UCK2: variants seen among roughly 807,000 people sequenced by gnomAD.
UCK2 encodes cytidine monophosphokinase 2.
UCK2 carries 6 observed loss-of-function variants against 30.8 expected under a neutral mutation model. The observed-to-expected ratio is 0.19, with a 90% CI of 0.11 to 0.38. The LOEUF is 0.38. Ranked by LOEUF, UCK2 falls within the 10% of genes least tolerant of loss-of-function variation. The pLI, the probability that UCK2 is intolerant of heterozygous loss-of-function variation, is 1.00. For synonymous variants in UCK2, 125 were observed against 133.6 expected (o/e 0.94, Z 0.45); for missense variants, 210 against 339.8 (o/e 0.62, Z 3.00).
chr1:165,871,765 GAATATAACATGATAA>G (rs1165558258), intron 1 of UCK2, among the ~76,000 whole-genome samples: 1 of 152,130 alleles, frequency 6.6e-6, no homozygotes, highest in Non-Finnish European at 1.5e-5. Context: ...AATTGTTTCT[GAATATAACATGATAA>G]AATCAGTTTA....
At chr1:165,872,725 G>T (rs1350740486) in intron 1 of UCK2, among the ~76,000 whole-genome samples, 1 of 152,218 alleles carries the variant, frequency 6.6e-6, no homozygotes, top group Non-Finnish European at 1.5e-5. Context: ...AGTCTTAAAA[G>T]TATTGACAGT....
In UCK2 at chr1:165,827,787, G is replaced by T; in HGVS notation, c.-47G>T. The T allele has an allele frequency of 7.5e-7, 1 of 1,332,278 alleles. No homozygotes were observed. 82.5% of individuals were successfully genotyped at this position (1,332,278 alleles called of 1,614,324 possible). ...AGTCCGACGCGGGCGCGGGCGGGGA[G>T]CGTGCGTCCGTTCGCACAGGCAGCG... On this transcript the variant is annotated 5_prime_UTR_variant, in exon 1 of 7. Transcript: ENST00000367879.
intron 2 of UCK2, 40 bp downstream of exon 2, chr1:165,890,403 G>T (rs768490943): frequency 6.3e-7 from 1 of 1,590,288 alleles, no homozygotes; most frequent in Non-Finnish European, 8.6e-7. Flanking sequence ...CTGTATTGGT[G>T]TGTTGGGGGG....
intron 3 of UCK2, among the ~76,000 whole-genome samples, chr1:165,893,872 G>A (rs917388839): frequency 1.1e-4 from 17 of 152,132 alleles, no homozygotes; most frequent in Non-Finnish European, 1.9e-4. Context: ...TTCTCCTTCC[G>A]AAGGAAAACC....
chr1:165,893,982 T>G (rs1423731227), intron 3 of UCK2, among the ~76,000 whole-genome samples: 1 of 152,184 alleles, frequency 6.6e-6, no homozygotes, highest in African/African-American at 2.4e-5. Context: ...ACCCAAAATG[T>G]GAAATGCTCC....
At chr1:165,862,588 G>A (rs566440872) in intron 1 of UCK2, among the ~76,000 whole-genome samples, 47 of 152,334 alleles carry the variant, frequency 3.1e-4, no homozygotes, top group African/African-American at 7.2e-4. Flanking sequence ...ATGGCCCGTT[G>A]CAGGCTGAGT....
intron 6 of UCK2, 82 bp from the exon 7 acceptor site, chr1:165,907,602 G>T (rs779582033): frequency 8.9e-5 from 136 of 1,525,250 alleles, no homozygotes; most frequent in Non-Finnish European, 1.1e-4. Flanking sequence ...GTTCCTGCAT[G>T]CCCTTCCCCC....
intron 1 of UCK2, among the ~76,000 whole-genome samples, chr1:165,872,777 G>A (rs73029480): frequency 0.038 from 5,842 of 152,222 alleles, 384 homozygotes; most frequent in African/African-American, 0.13. Flanking sequence ...TGCAGACAGC[G>A]TGTATTAGTG....
At chr1:165,879,377 T>G (rs1359120546) in intron 1 of UCK2, among the ~76,000 whole-genome samples, 10 of 152,178 alleles carry the variant, frequency 6.6e-5, no homozygotes, top group Non-Finnish European at 1.5e-4. Context: ...CAGCACCACT[T>G]CTTGAAAAGG....
At chr1:165,892,075 G>GCATGCAT (rs959924081) in intron 3 of UCK2, 5 of 146,512 alleles carry the variant, frequency 3.4e-5, no homozygotes, top group Non-Finnish European at 7.5e-5. Flanking sequence ...GAGAGAATGA[G>GCATGCAT]CATGCATGTG....
At position 165,891,217 on chromosome 1, in the gene UCK2, A is replaced by G. The variant is rs529995612; in HGVS notation, c.260-9A>G. The G allele has an allele frequency of 3.1e-6, 5 of 1,613,302 alleles. No individual in the cohort carries two copies. In the South Asian group the frequency reaches 3.3e-5, roughly 11 times the overall value. On this transcript the variant is annotated splice_polypyrimidine_tract_variant and intron_variant, in intron 2 of 6. Coordinates refer to ENST00000367879, the MANE Select transcript of UCK2 (RefSeq NM_012474.5). ...TTAAGAAACATTTTAACAATTTGGTATTTTTCAGATGCCTTTGACAATGAA... is the reference window on the plus strand; with the variant it reads ...TTAAGAAACATTTTAACAATTTGGTGTTTTTCAGATGCCTTTGACAATGAA...
intron 5 of UCK2, chr1:165,904,274 A>T (rs1647575774): frequency 6.6e-6 from 1 of 152,216 alleles, no homozygotes; most frequent in African/African-American, 2.4e-5. Flanking sequence ...GGATGTTACT[A>T]GCTTTTACAG....
intron 1 of UCK2, among the ~76,000 whole-genome samples, chr1:165,857,456 A>C (rs1235001968): frequency 6.6e-6 from 1 of 152,186 alleles, no homozygotes; most frequent in Non-Finnish European, 1.5e-5. Flanking sequence ...TGGAGTGCAG[A>C]GTACTGTGGG....
chr1:165,872,590 T>C (rs1655223530), intron 1 of UCK2, among the ~76,000 whole-genome samples: 1 of 152,234 alleles, frequency 6.6e-6, no homozygotes, highest in East Asian at 1.9e-4. Context: ...TCTACAAATA[T>C]ATATGTATAT....
chr1:165,901,328 C>A (rs72701907), intron 4 of UCK2, among the ~76,000 whole-genome samples: 1 of 152,182 alleles, frequency 6.6e-6, no homozygotes, highest in African/African-American at 2.4e-5. Context: ...CATTAGTGCC[C>A]AGCTTTCTGG....
chr1:165,827,803 A>G lies in UCK2; in HGVS notation c.-31A>G, dbSNP rs1653925979. On this transcript the variant is annotated 5_prime_UTR_variant, in exon 1 of 7. Transcript: ENST00000367879. ...GGGCGGGGAGCGTGCGTCCGTTCGC[A>G]CAGGCAGCGGGAGGAGGGGCGGCGC... 1.5e-6 allele frequency: 2 copies of G among 1,376,486 alleles called. No homozygotes were observed. Among genetic ancestry groups the G allele is most frequent in the East Asian group, 3.0e-5 (1 of 33,068 alleles). The allele number at this position is 1,376,486 out of a possible 1,614,324, so 85.3% of individuals were successfully genotyped here.
At chr1:165,877,572 T>G (rs1655371362) in intron 1 of UCK2, among the ~76,000 whole-genome samples, 1 of 152,222 alleles carries the variant, frequency 6.6e-6, no homozygotes, top group Admixed American at 6.5e-5. Flanking sequence ...CTCTGGAGAT[T>G]CGTGCAGGTT....
intron 4 of UCK2, among the ~76,000 whole-genome samples, chr1:165,896,899 C>T (rs946742277): frequency 6.6e-6 from 1 of 152,238 alleles, no homozygotes; most frequent in Non-Finnish European, 1.5e-5. Flanking sequence ...AGTCCCTGTG[C>T]TTGTGTGCTG....
intron 6 of UCK2, among the ~76,000 whole-genome samples, chr1:165,907,348 G>A (rs1225702554): frequency 6.6e-6 from 1 of 152,214 alleles, no homozygotes; most frequent in African/African-American, 2.4e-5. Context: ...TGACGTGTCA[G>A]AACCATGGCT....
Sources: gnomAD v4.1 joint callset for allele counts (sites outside exome capture counted in the v4.1 genomes callset) on GRCh38, gnomAD v4.1.1 for gene constraint, MANE v1.5 for transcripts, NCBI Gene and HGNC (gene_info 2026-07-23, HGNC 2026-07-21) for gene names.